Variants in SMG9 observed in about 807,000 individuals in gnomAD.
SMG9 encodes the protein SMG9 nonsense mediated mRNA decay factor.
In SMG9, 55 loss-of-function variants were observed where a neutral mutation model predicts 64.0. That is an observed-to-expected ratio of 0.86 (90% CI 0.69 to 1.08). The LOEUF (loss-of-function observed/expected upper bound fraction) is 1.08, where lower values mean the gene tolerates loss of function less well. Among genes scored for constraint, SMG9 ranks in the 50% least tolerant of loss-of-function variants. The pLI, the probability that SMG9 is intolerant of heterozygous loss-of-function variation, is 0.00. For missense variants in SMG9, 554 were observed against 681.3 expected (o/e 0.81, Z 2.08); for synonymous variants, 244 against 254.8 (o/e 0.96, Z 0.41).
chr19:43,731,135 G>A lies in SMG9; in HGVS notation c.*461C>T. ...AGCTGCATGGTGGGTAGAGGAGTAA[G>A]TGGAACATAAGAACAGGCTTGCATG... On this transcript the variant is annotated 3_prime_UTR_variant, in exon 14 of 14. Coordinates refer to ENST00000270066, the MANE Select transcript of SMG9 (RefSeq NM_019108.4). 1.0e-6 allele frequency: 1 copy of A among 988,854 alleles called. No individual in the cohort carries two copies. The highest frequency in any genetic ancestry group is 1.2e-6 in the Non-Finnish European group (1 of 832,242). The allele number at this position is 988,854 out of a possible 1,614,324, so 61.3% of individuals were successfully genotyped here. A position where few individuals can be genotyped will look rare whatever the true frequency, so the allele number is the denominator to read the frequency against.
intron 7 of SMG9, 87 bp from the exon 8 acceptor site, chr19:43,738,304 CA>C: frequency 8.1e-7 from 1 of 1,227,898 alleles, no homozygotes; most frequent in East Asian, 2.4e-5. Context: ...CAGGACAAAA[CA>C]AGGTCAGAAA....
Position 43,740,216 on chromosome 19 carries a change from G to A in SMG9, c.704C>T (p.Thr235Ile). 1 of 1,611,368 alleles carries A rather than the reference G, an allele frequency of 6.2e-7. No individual in the cohort carries two copies. Among genetic ancestry groups the A allele is most frequent in the Non-Finnish European group, 8.5e-7 (1 of 1,177,526 alleles). The change falls in exon 7 of 14, where the codon ACT (threonine) becomes ATT (isoleucine). Residue 235 changes from threonine (T) to isoleucine (I), a missense_variant and splice_region_variant. By Grantham distance (89) the Thr-to-Ile change is moderately conservative. Transcript: ENST00000270066. Reference protein sequence around the residue: ...SANTPEEDQRTYVFRAQSAEM... With the variant: ...SANTPEEDQRIYVFRAQSAEM... ...AGCGCTCTGGGCCCGGAAAACATAA[G>A]TCCTGTGGAGAGGAGCAGGCAGGGG...
In SMG9 at chr19:43,747,643, T is replaced by TG. The variant is rs1969059084; in HGVS notation, c.479dup (p.Ala161SerfsTer26). ...CCAGCCCCAACTCACGGTCCATGGC[T>TG]GCTGGTGCGGCAGTGCCCATGCCCC... On this transcript the variant is annotated frameshift_variant, in exon 4 of 14. Transcript: ENST00000270066. LOFTEE classifies it high-confidence loss of function. The TG allele has an allele frequency of 1.2e-6, 2 of 1,613,732 alleles. No homozygotes were observed.
At chr19:43,745,823 G>A (rs1968982966) in intron 5 of SMG9, among the ~76,000 whole-genome samples, 1 of 152,178 alleles carries the variant, frequency 6.6e-6, no homozygotes, top group African/African-American at 2.4e-5. Context: ...CCAACATGGA[G>A]AAACCCCATC....
chr19:43,740,358 AG>A, intron 6 of SMG9, 140 bp from the exon 7 acceptor site: 1 of 472,358 alleles, frequency 2.1e-6, no homozygotes, highest in Non-Finnish European at 4.1e-6. Context: ...GGCCCATGTC[AG>A]GGGGTGGGAG....
At chr19:43,754,496 C>T (rs1969290984) in intron 1 of SMG9, 158 bp downstream of exon 1, 1 of 152,224 alleles carries the variant, frequency 6.6e-6, no homozygotes, top group Non-Finnish European at 1.5e-5. Context: ...TTCCTGCCAA[C>T]CCAGTATCGA....
Position 43,731,403 on chromosome 19 carries a change from C to T in SMG9, c.*193G>A. On this transcript the variant is annotated 3_prime_UTR_variant, in exon 14 of 14. Transcript: ENST00000270066. ...TTTGGGGTGGGATCGCTCACAGTCACCCCCGGAACAGCCCCAACTGAGGGT... is the reference window on the plus strand; with the variant it reads ...TTTGGGGTGGGATCGCTCACAGTCATCCCCGGAACAGCCCCAACTGAGGGT... The T allele has an allele frequency of 1.4e-6, 2 of 1,409,384 alleles. No individual in the cohort carries two copies. Among genetic ancestry groups the T allele is most frequent in the East Asian group, 2.7e-5 (1 of 37,306 alleles). The allele number at this position is 1,409,384 out of a possible 1,614,324, so 87.3% of individuals were successfully genotyped here.
rs1024359060 is a variant in SMG9, at chr19:43,728,376, G to A, written c.*3220C>T. 6.5e-5 allele frequency: 10 copies of A among 154,060 alleles called. No individual in the cohort carries two copies. Among genetic ancestry groups the A allele is most frequent in the African/African-American group, 1.5e-4 (6 of 41,162 alleles). The allele number at this position is 154,060 out of a possible 1,614,324, so 9.5% of individuals were successfully genotyped here. On this transcript the variant is annotated 3_prime_UTR_variant, in exon 14 of 14. Coordinates refer to ENST00000270066, the MANE Select transcript of SMG9 (RefSeq NM_019108.4). Reference sequence around the variant, plus strand: ...AGTACCTGCTCCCAGTTCACCTTCCGCCATGATTGTAAGTTTCCTGAGGCC... The same window carrying A: ...AGTACCTGCTCCCAGTTCACCTTCCACCATGATTGTAAGTTTCCTGAGGCC...
At position 43,750,685 on chromosome 19, in the gene SMG9, C is replaced by T; in HGVS notation, c.57G>A (p.Arg19=). ...PGLYGIERRR[R]WKEPGSGGPQ... is the part of the protein sequence containing the mutation. ...GGCCACCAGAGCCAGGCTCCTTCCA[C>T]CGTCGCCGCCGCTCTATCCCATAGA... is the stretch of plus-strand genomic sequence containing the variant. Residue 19 remains arginine (R), a synonymous_variant, in exon 2 of 14, where the codon CGG becomes CGA. Transcript: ENST00000270066. 1 of 1,614,044 alleles carries T rather than the reference C, an allele frequency of 6.2e-7. No homozygotes were observed. The highest frequency in any genetic ancestry group is 1.1e-5 in the South Asian group (1 of 91,058).
chr19:43,754,901 A>C lies in SMG9; in HGVS notation c.-254T>G, dbSNP rs1303661294. The stretch of plus-strand genomic sequence containing the variant: ...GGATGTAACGCGGGCCCGAGCTGAG[A>C]TCAGTTCCCTCAGGCGACTCGTCCT... On this transcript the variant is annotated 5_prime_UTR_variant, in exon 1 of 14. Coordinates refer to ENST00000270066, the MANE Select transcript of SMG9 (RefSeq NM_019108.4). 2.0e-5 allele frequency: 3 copies of C among 152,252 alleles called. No individual in the cohort carries two copies. Among genetic ancestry groups the C allele is most frequent in the African/African-American group, 7.2e-5 (3 of 41,452 alleles). The allele number at this position is 152,252 out of a possible 1,614,324, so 9.4% of individuals were successfully genotyped here. A position where few individuals can be genotyped will look rare whatever the true frequency, so the allele number is the denominator to read the frequency against.
chr19:43,741,208 T>C (rs1424344870), intron 6 of SMG9, among the ~76,000 whole-genome samples: 1 of 152,222 alleles, frequency 6.6e-6, no homozygotes, highest in African/African-American at 2.4e-5. Context: ...AAGTGCAGAT[T>C]GCTTAGTTGG....
intron 9 of SMG9, among the ~76,000 whole-genome samples, chr19:43,735,648 GTTT>G (rs966606688): frequency 6.7e-6 from 1 of 149,236 alleles, no homozygotes; most frequent in Non-Finnish European, 1.5e-5. Context: ...AATCTGTGTG[GTTT>G]TTTAGTGGAA....
chr19:43,734,467 G>A lies in SMG9; in HGVS notation c.1024C>T (p.Pro342Ser). The A allele has an allele frequency of 2.6e-6, 4 of 1,560,974 alleles. No homozygotes were observed. The highest frequency in any genetic ancestry group is 3.5e-6 in the Non-Finnish European group (4 of 1,152,102). The change falls in exon 10 of 14, where the codon CCC becomes TCC. Residue 342 changes from proline (P) to serine (S), a missense_variant. Transcript: ENST00000270066. ...TCGTGGCTGGGGGATGGGGTGGAGG[G>A]CTTCACCATCTCTGCTGTCTGCAGG... The part of the protein sequence containing the change: ...RFLQTAEMVK[P>S]STPSPSHESS...
In SMG9 at chr19:43,747,863, G is replaced by T; in HGVS notation, c.260C>A (p.Ala87Asp). 1 of 1,608,608 alleles carries T rather than the reference G, an allele frequency of 6.2e-7. No individual in the cohort carries two copies. Among genetic ancestry groups the T allele is most frequent in the Non-Finnish European group, 8.5e-7 (1 of 1,177,070 alleles). The part of the protein sequence containing the change: ...KQPPPPTAPA[A>D]PPAPAPLEKP... Reference sequence around the variant, plus strand: ...CTCCAGAGGGGCTGGAGCAGGCGGGGCAGCAGGGGCTGTTGGAGGTGGTGG... The same window carrying T: ...CTCCAGAGGGGCTGGAGCAGGCGGGTCAGCAGGGGCTGTTGGAGGTGGTGG... Residue 87 changes from alanine to aspartate, a missense_variant, in exon 4 of 14, where the codon GCC (alanine) becomes GAC (aspartate). Physicochemically the swap from Ala to Asp is moderately radical, Grantham distance 126. Coordinates refer to ENST00000270066, the MANE Select transcript of SMG9 (RefSeq NM_019108.4).
chr19:43,733,637 A>G lies in SMG9; in HGVS notation c.1199T>C (p.Leu400Pro). 6.2e-7 allele frequency: 1 copy of G among 1,614,028 alleles called. No homozygotes were observed. Among genetic ancestry groups the G allele is most frequent in the South Asian group, 1.1e-5 (1 of 91,074 alleles). Residue 400 changes from leucine (L) to proline (P), a missense_variant, in exon 11 of 14, where the codon CTG becomes CCG. Physicochemically the swap from Leu to Pro is moderately conservative, Grantham distance 98. Coordinates refer to ENST00000270066, the MANE Select transcript of SMG9 (RefSeq NM_019108.4). ...GTGGGAACCCTTACCCTTGTAACGC[A>G]GGTGGGAGTGGGCCATGAGCTGGTC... is the stretch of plus-strand genomic sequence containing the variant. The part of the protein sequence containing the change: ...MIDQLMAHSH[L>P]RYKGTLSMLQ...
Position 43,738,865 on chromosome 19 carries a change from C to T in SMG9, c.814-648G>A, listed in dbSNP as rs564598274. ...ACAGGTCTCTGACCCAGACCACAGC[C>T]GGTTTGGTTTGTCTCCAGGTCTCCA... On this transcript the variant is annotated intron_variant, in intron 7 of 13. Coordinates refer to ENST00000270066, the MANE Select transcript of SMG9 (RefSeq NM_019108.4). 5.3e-5 allele frequency among the ~76,000 whole-genome samples: 8 copies of T among 152,338 alleles called. No homozygotes were observed. In the East Asian group the frequency reaches 1.5e-3, roughly 29 times the overall value.
intron 2 of SMG9, 139 bp from the exon 3 acceptor site, chr19:43,748,191 T>G (rs577870057): frequency 9.7e-7 from 1 of 1,034,304 alleles, no homozygotes; most frequent in Admixed American, 3.4e-5. Context: ...GATACTATTA[T>G]TACCCCCACT....
Position 43,738,231 on chromosome 19 carries a change from G to T in SMG9, c.814-14C>A, listed in dbSNP as rs781323153. On this transcript the variant is annotated splice_polypyrimidine_tract_variant and intron_variant, in intron 7 of 13. Transcript: ENST00000270066. ...GCTCAGGATGGGCTGCAGCAAGGAA[G>T]AGAACAGAGTGTCACTCAGATACCC... 1.9e-6 allele frequency: 3 copies of T among 1,611,884 alleles called. No homozygotes were observed. The East Asian group carries it at 6.7e-5, about 36-fold the overall frequency.
In SMG9 at chr19:43,747,651, C is replaced by A; in HGVS notation, c.472G>T (p.Ala158Ser). 1 of 1,613,390 alleles carries A rather than the reference C, an allele frequency of 6.2e-7. No individual in the cohort carries two copies. The highest frequency in any genetic ancestry group is 8.5e-7 in the Non-Finnish European group (1 of 1,179,708). Residue 158 changes from alanine (A) to serine (S), a missense_variant, in exon 4 of 14, where the codon GCA becomes TCA. Physicochemically the swap from Ala to Ser is moderately conservative, Grantham distance 99. Transcript: ENST00000270066. ...QIQNRGMGTAAPAAMDPVVGQ... is the reference protein window; with the variant it reads ...QIQNRGMGTASPAAMDPVVGQ... The stretch of plus-strand genomic sequence containing the variant: ...AACTCACGGTCCATGGCTGCTGGTG[C>A]GGCAGTGCCCATGCCCCGGTTCTGG...
Sources: gnomAD v4.1 joint callset for allele counts (sites outside exome capture counted in the v4.1 genomes callset) on GRCh38, gnomAD v4.1.1 for gene constraint, MANE v1.5 for transcripts, NCBI Gene and HGNC (gene_info 2026-07-23, HGNC 2026-07-21) for gene names.